Variants in OXCT1 observed in about 807,000 individuals in gnomAD.
OXCT1 encodes 3-oxoacid CoA-transferase 1, also known as succinyl-CoA:3-ketoacid coenzyme A transferase 1, mitochondrial.
In OXCT1, 27 loss-of-function variants were observed where a neutral mutation model predicts 69.6. That is an observed-to-expected ratio of 0.39 (90% CI 0.29 to 0.54). The LOEUF is 0.54. OXCT1 is among the 20% of genes least tolerant of loss of function. The pLI is 0.72. For missense variants in OXCT1, 437 were observed against 650.2 expected (o/e 0.67, Z 3.57); for synonymous variants, 202 against 217.8 (o/e 0.93, Z 0.64).
intron 5 of OXCT1, among the ~76,000 whole-genome samples, chr5:41,843,128 C>T (rs1748723675): frequency 6.6e-6 from 1 of 152,144 alleles, no homozygotes; most frequent in Admixed American, 6.5e-5. Flanking sequence ...TTCTTTCCCT[C>T]TCCCCTGAAA....
intron 3 of OXCT1, among the ~76,000 whole-genome samples, chr5:41,859,149 G>A (rs1284795674): frequency 6.6e-6 from 1 of 152,156 alleles, no homozygotes; most frequent in East Asian, 1.9e-4. Flanking sequence ...TCACTTAGTA[G>A]CCATGATGGT....
At chr5:41,854,342 G>A (rs1328206126) in intron 3 of OXCT1, among the ~76,000 whole-genome samples, 1 of 151,848 alleles carries the variant, frequency 6.6e-6, no homozygotes, top group African/African-American at 2.4e-5. Context: ...TTTTTTCATT[G>A]GGTGAAGGTC....
chr5:41,770,689 A>G (rs915869084), intron 13 of OXCT1, among the ~76,000 whole-genome samples: 11 of 152,200 alleles, frequency 7.2e-5, no homozygotes, highest in African/African-American at 2.7e-4. Flanking sequence ...CAAATTCTAA[A>G]ATCCTAAAAC....
rs180999442 is a variant in OXCT1, at chr5:41,820,786, C to A, written c.733-13348G>T. On this transcript the variant is annotated intron_variant, in intron 7 of 16. Transcript: ENST00000196371. Reference sequence around the variant, plus strand: ...TAGACCTGTCAATCAAGATGGCAAGCGTAAAATGCCTTAAGTCTTCTCCTT... The same window carrying A: ...TAGACCTGTCAATCAAGATGGCAAGAGTAAAATGCCTTAAGTCTTCTCCTT... Among the ~76,000 whole-genome samples, 44 of 152,184 alleles carry A rather than the reference C, an allele frequency of 2.9e-4. No individual in the cohort carries two copies. The East Asian group carries it at 7.0e-3, about 24-fold the overall frequency.
intron 13 of OXCT1, among the ~76,000 whole-genome samples, chr5:41,783,141 T>C (rs1450112174): frequency 6.6e-6 from 1 of 152,168 alleles, no homozygotes; most frequent in African/African-American, 2.4e-5. Context: ...AAAAGGGAAG[T>C]TGAGTACAGA....
chr5:41,743,443 G>A (rs1743294091), intron 15 of OXCT1, among the ~76,000 whole-genome samples: 1 of 152,148 alleles, frequency 6.6e-6, no homozygotes, highest in Non-Finnish European at 1.5e-5. Context: ...TGTTCACTCT[G>A]ATGGTAGTTT....
chr5:41,859,864 A>AATATATATATATAAATAT (rs1749634327), intron 3 of OXCT1, among the ~76,000 whole-genome samples: 1 of 120,116 alleles, frequency 8.3e-6, no homozygotes, highest in Non-Finnish European at 1.8e-5. Flanking sequence ...CTAGTATAGT[A>AATATATATATATAAATAT]ATATATATAT....
intron 14 of OXCT1, among the ~76,000 whole-genome samples, chr5:41,752,790 G>A (rs1345168681): frequency 6.6e-6 from 1 of 151,934 alleles, no homozygotes; most frequent in African/African-American, 2.4e-5. Context: ...TAGTCCTGAG[G>A]CTCCTGATTT....
intron 7 of OXCT1, among the ~76,000 whole-genome samples, chr5:41,832,110 C>T (rs1316672837): frequency 6.6e-6 from 1 of 152,204 alleles, no homozygotes; most frequent in Non-Finnish European, 1.5e-5. Flanking sequence ...GAACTCACAG[C>T]ACTGAAGGTA....
chr5:41,809,424 A>C (rs139074543), intron 7 of OXCT1, among the ~76,000 whole-genome samples: 326 of 152,154 alleles, frequency 2.1e-3, no homozygotes, highest in African/African-American at 7.5e-3. Flanking sequence ...TAGAGAGTCT[A>C]AGAAAAACTG....
At chr5:41,834,358 A>T (rs1238349005) in intron 7 of OXCT1, among the ~76,000 whole-genome samples, 1 of 152,046 alleles carries the variant, frequency 6.6e-6, no homozygotes, top group African/African-American at 2.4e-5. Context: ...AAGACACAGT[A>T]GCTGAATGGA....
At position 41,794,757 on chromosome 5, in the gene OXCT1, C is replaced by T. The variant is rs1032564254; in HGVS notation, c.1100-8G>A. 6.2e-7 allele frequency: 1 copy of T among 1,609,376 alleles called. No individual in the cohort carries two copies. Among genetic ancestry groups the T allele is most frequent in the Non-Finnish European group, 8.5e-7 (1 of 1,176,982 alleles). On this transcript the variant is annotated splice_region_variant and splice_polypyrimidine_tract_variant and intron_variant, in intron 11 of 16. Coordinates refer to ENST00000196371, the MANE Select transcript of OXCT1 (RefSeq NM_000436.4). ...TAGTAACTGTTTCCTTGCCTAAACA[C>T]ACACACACACAAAAGAAAGAAAAGG...
chr5:41,828,090 G>C (rs958800309), intron 7 of OXCT1, among the ~76,000 whole-genome samples: 1 of 152,058 alleles, frequency 6.6e-6, no homozygotes, highest in Non-Finnish European at 1.5e-5. Context: ...ACATTCATCT[G>C]GCTGTGCAAT....
chr5:41,808,713 A>T (rs1262681860), intron 7 of OXCT1, among the ~76,000 whole-genome samples: 1 of 152,060 alleles, frequency 6.6e-6, no homozygotes, highest in Admixed American at 6.6e-5. Context: ...ACTGCACTCT[A>T]TGTCCTCCCC....
intron 4 of OXCT1, among the ~76,000 whole-genome samples, chr5:41,852,838 A>G (rs1409072993): frequency 6.6e-6 from 1 of 152,174 alleles, no homozygotes; most frequent in Non-Finnish European, 1.5e-5. Context: ...CAGGCGGCTC[A>G]TTTGAGGTCA....
At chr5:41,736,278 C>T (rs1034413690) in intron 16 of OXCT1, among the ~76,000 whole-genome samples, 1 of 152,184 alleles carries the variant, frequency 6.6e-6, no homozygotes. Context: ...ATTTGCATTT[C>T]TACAACAAAA....
chr5:41,743,300 T>C (rs1743280682), intron 15 of OXCT1, among the ~76,000 whole-genome samples: 1 of 152,236 alleles, frequency 6.6e-6, no homozygotes, highest in Non-Finnish European at 1.5e-5. Flanking sequence ...TCTGTTCATA[T>C]CCTTTACCCA....
intron 4 of OXCT1, 129 bp from the exon 5 acceptor site, chr5:41,850,308 G>T: frequency 2.0e-6 from 2 of 987,024 alleles, no homozygotes; most frequent in Non-Finnish European, 3.1e-6. Flanking sequence ...TTGTACATTA[G>T]CATACTTCAC....
At position 41,840,404 on chromosome 5, in the gene OXCT1, C is replaced by T. The variant is rs201776846; in HGVS notation, c.732+47G>A. The T allele has an allele frequency of 2.2e-3, 3,009 of 1,340,668 alleles. 40 individuals are homozygous for T. In the East Asian group the frequency reaches 0.027, roughly 12 times the overall value. 83.0% of individuals were successfully genotyped at this position (1,340,668 alleles called of 1,614,324 possible). ...TACTTTTTCTTGAATTAATACTTAACATCAAGTTAAATAATTAACACCAAG... is the reference window on the plus strand; with the variant it reads ...TACTTTTTCTTGAATTAATACTTAATATCAAGTTAAATAATTAACACCAAG... On this transcript the variant is annotated intron_variant, in intron 7 of 16. Coordinates refer to ENST00000196371, the MANE Select transcript of OXCT1 (RefSeq NM_000436.4).
Sources: gnomAD v4.1 joint callset for allele counts (sites outside exome capture counted in the v4.1 genomes callset) on GRCh38, gnomAD v4.1.1 for gene constraint, MANE v1.5 for transcripts, NCBI Gene and HGNC (gene_info 2026-07-23, HGNC 2026-07-21) for gene names.